The following PCDHA1 variants were observed in gnomAD, a reference collection of about 807,000 sequenced individuals.
The protein encoded by PCDHA1 is protocadherin alpha 1.
PCDHA1 carries 42 observed loss-of-function variants against 61.3 expected under a neutral mutation model. The observed-to-expected ratio is 0.69, with a 90% CI of 0.54 to 0.89. PCDHA1 has a LOEUF of 0.89. Ranked by LOEUF, PCDHA1 falls within the 40% of genes least tolerant of loss-of-function variation. PCDHA1 has a pLI of 0.00. For synonymous variants in PCDHA1, 610 were observed against 553.8 expected (o/e 1.10, Z -1.43); for missense variants, 1,256 against 1,235.3 (o/e 1.02, Z -0.25).
chr5:140,927,674 A>T (rs201769803), intron 1 of PCDHA1: 1 of 1,614,182 alleles, frequency 6.2e-7, no homozygotes, highest in Non-Finnish European at 8.5e-7. Flanking sequence ...TTGGATCCAG[A>T]TGAAGGGTCC....
rs1761370361 is a variant in PCDHA1 at position 140,787,424 on chromosome 5, C to G, written c.1134C>G (p.Asp378Glu). ...CCCTCATCACCGTGTCTGACCGTGA[C>G]TCAGGTGCCAACGGGCAGGTGACTT... ...VIALITVSDRDSGANGQVTCS... is the reference protein window; with the variant it reads ...VIALITVSDRESGANGQVTCS... The change falls in exon 1 of 4, where the codon GAC (aspartate) becomes GAG (glutamate). Residue 378 changes from aspartate to glutamate, a missense_variant. Transcript: ENST00000504120. 1 of 1,614,252 alleles carries G rather than the reference C, an allele frequency of 6.2e-7. No homozygotes were observed. The highest frequency in any genetic ancestry group is 8.5e-7 in the Non-Finnish European group (1 of 1,180,048).
chr5:140,886,996 T>C (rs1554182808), intron 1 of PCDHA1, among the ~76,000 whole-genome samples: 1 of 152,182 alleles, frequency 6.6e-6, no homozygotes, highest in African/African-American at 2.4e-5. Flanking sequence ...AATTTCCAGT[T>C]GGTATCACTT....
At position 140,877,908 on chromosome 5, in the gene PCDHA1, T is replaced by C; in HGVS notation, c.2394+89224T>C. On this transcript the variant is annotated intron_variant, in intron 1 of 3. Coordinates refer to ENST00000504120, the MANE Select transcript of PCDHA1 (RefSeq NM_018900.4). The stretch of plus-strand genomic sequence containing the variant: ...ACTTCCGTTTAGGTTATAACTACAT[T>C]CTCTCATTTTTCTTTATGATTCTAT... 3 of 1,433,546 alleles carry C rather than the reference T, an allele frequency of 2.1e-6. No homozygotes were observed. The South Asian group carries it at 4.7e-5, about 22-fold the overall frequency. 88.8% of individuals were successfully genotyped at this position (1,433,546 alleles called of 1,614,324 possible).
intron 1 of PCDHA1, chr5:140,852,294 C>T (rs1467732169): frequency 2.1e-6 from 1 of 469,886 alleles, no homozygotes; most frequent in Non-Finnish European, 2.9e-6. Flanking sequence ...TTTTATTTTT[C>T]TGAGACGGAG....
chr5:140,999,693 AT>A (rs202183337), intron 3 of PCDHA1, among the ~76,000 whole-genome samples: 13 of 151,522 alleles, frequency 8.6e-5, no homozygotes, highest in African/African-American at 2.4e-4. Flanking sequence ...AAGAAATGTG[AT>A]TTTTTTTTAG....
At chr5:140,911,258 T>C (rs265316) in intron 1 of PCDHA1, among the ~76,000 whole-genome samples, 87,913 of 151,980 alleles carry the variant, frequency 0.58, 26,381 homozygotes, top group African/African-American at 0.75. Flanking sequence ...TCAGAATTTA[T>C]AATCTCAGTG....
intron 1 of PCDHA1, chr5:140,801,411 G>C (rs201362111): frequency 5.0e-6 from 8 of 1,613,736 alleles, no homozygotes; most frequent in African/African-American, 4.0e-5. Context: ...CAAAAGACAC[G>C]GGGACCTTCT....
In PCDHA1 at chr5:140,795,986, T is replaced by C. The variant is rs533295201; in HGVS notation, c.2394+7302T>C. 1.9e-6 allele frequency: 3 copies of C among 1,614,164 alleles called. No homozygotes were observed. The South Asian group carries it at 3.3e-5, about 18-fold the overall frequency. On this transcript the variant is annotated intron_variant, in intron 1 of 3. Coordinates refer to ENST00000504120, the MANE Select transcript of PCDHA1 (RefSeq NM_018900.4). ...CATTGTAAAATTTCATTAAAACTTGTGGACATCAATGATAACACACCAGAA... is the reference window on the plus strand; with the variant it reads ...CATTGTAAAATTTCATTAAAACTTGCGGACATCAATGATAACACACCAGAA...
At position 141,001,667 on chromosome 5, in the gene PCDHA1, A is replaced by G. The variant is rs949508860; in HGVS notation, c.2543-7960A>G. ...GTGTGGGAGAAGGCGGAGCTTGTCC[A>G]GTCGGTCCAACAAACCCCACAGATG... is the stretch of plus-strand genomic sequence containing the variant. On this transcript the variant is annotated intron_variant, in intron 3 of 3. Coordinates refer to ENST00000504120, the MANE Select transcript of PCDHA1 (RefSeq NM_018900.4). Among the ~76,000 whole-genome samples, 9 of 152,268 alleles carry G rather than the reference A, an allele frequency of 5.9e-5. 1 individual carries two copies. In the East Asian group the frequency reaches 1.7e-3, roughly 29 times the overall value.
chr5:140,808,267 A>AG (rs782560297), intron 1 of PCDHA1: 2 of 1,614,242 alleles, frequency 1.2e-6, no homozygotes, highest in Admixed American at 3.3e-5. Context: ...TTCCAATTAG[A>AG]GAGGACGCTC....
At chr5:140,992,950 C>T (rs1435932636) in intron 3 of PCDHA1, among the ~76,000 whole-genome samples, 1 of 152,216 alleles carries the variant, frequency 6.6e-6, no homozygotes, top group East Asian at 1.9e-4. Context: ...GAGATTAAAT[C>T]ACCCCTTATA....
At position 140,941,191 on chromosome 5, in the gene PCDHA1, TTTTCTTTCTTCC is replaced by T. The variant is rs1293685535; in HGVS notation, c.2395-37735_2395-37724del. 2.6e-3 allele frequency among the ~76,000 whole-genome samples: 239 copies of T among 93,120 alleles called. 3 individuals are homozygous for T. Among genetic ancestry groups the T allele is most frequent in the East Asian group, 5.8e-3 (18 of 3,094 alleles). The allele number at this position is 93,120 out of a possible 152,430, so 61.1% of individuals were successfully genotyped here. ...CATCTTGAACATCCTGCTTCTTTTT[TTTTCTTTCTTCC>T]TTTCTTTCTTCCTTTCTTTCTTTCT... is the stretch of plus-strand genomic sequence containing the variant. On this transcript the variant is annotated intron_variant, in intron 1 of 3. Transcript: ENST00000504120.
chr5:140,884,750 A>G, intron 1 of PCDHA1: 1 of 1,431,238 alleles, frequency 7.0e-7, no homozygotes, highest in Non-Finnish European at 9.2e-7. Flanking sequence ...TGCCAATTTC[A>G]AATTATTCTT....
At chr5:140,968,624 C>CT in intron 1 of PCDHA1, 3 of 1,614,176 alleles carry the variant, frequency 1.9e-6, no homozygotes, top group East Asian at 2.2e-5. Context: ...AAATGCTTGG[C>CT]TTTTTTACCA....
At chr5:140,900,674 T>C (rs782072148) in intron 1 of PCDHA1, among the ~76,000 whole-genome samples, 11 of 152,230 alleles carry the variant, frequency 7.2e-5, no homozygotes, top group African/African-American at 2.4e-4. Context: ...AGTGCAGTTA[T>C]CTCTTCAATA....
intron 1 of PCDHA1, chr5:140,807,072 A>G (rs4151680): frequency 0.54 from 630,909 of 1,172,510 alleles, 171,587 homozygotes; most frequent in African/African-American, 0.7. Flanking sequence ...GGAACCATAT[A>G]CACTCTTTGG....
At chr5:140,926,957 T>G in intron 1 of PCDHA1, 1 of 1,602,892 alleles carries the variant, frequency 6.2e-7, no homozygotes, top group Non-Finnish European at 8.5e-7. Context: ...GCGGGACAGC[T>G]CGAGTACTCA....
chr5:140,875,668 G>A lies in PCDHA1; in HGVS notation c.2394+86984G>A, dbSNP rs1554167843. On this transcript the variant is annotated intron_variant, in intron 1 of 3. Transcript: ENST00000504120. ...GGAGCTGGTGCCGCGCCTGTTCCGG[G>A]TGGCGTCCAAAAGACACGGGGACCT... 4.3e-6 allele frequency: 7 copies of A among 1,613,726 alleles called. No homozygotes were observed. The highest frequency in any genetic ancestry group is 3.3e-5 in the South Asian group (3 of 91,074).
chr5:140,969,393 C>T, intron 1 of PCDHA1: 1 of 1,590,146 alleles, frequency 6.3e-7, no homozygotes. Flanking sequence ...CCCCCAATAT[C>T]CTGTGATTTG....
Sources: allele counts gnomAD v4.1 joint callset (sites outside exome capture counted in the v4.1 genomes callset), GRCh38; gene constraint gnomAD v4.1.1; transcripts MANE v1.5; gene names NCBI Gene and HGNC (gene_info 2026-07-23, HGNC 2026-07-21).